CERT1: variants seen among roughly 807,000 people sequenced by gnomAD.
The protein encoded by CERT1 is ceramide transfer protein.
Under a neutral mutation model 87.9 loss-of-function variants are expected in CERT1, and 31 were observed. The ratio of observed to expected loss-of-function variants is 0.35; its 90% CI spans 0.27 to 0.48. The LOEUF is 0.48. Among genes scored for constraint, CERT1 ranks in the 20% least tolerant of loss-of-function variants. The pLI, the probability that CERT1 is intolerant of heterozygous loss-of-function variation, is 0.99. For missense variants in CERT1, 487 were observed against 758.0 expected, an observed-to-expected ratio of 0.64 and a Z score of 4.20; for synonymous variants, 289 against 250.9, an observed-to-expected ratio of 1.15 and a Z score of -1.44.
At chr5:75,457,383 G>A (rs1300735964) in intron 3 of CERT1, among the ~76,000 whole-genome samples, 2 of 152,164 alleles carry the variant, frequency 1.3e-5, no homozygotes, top group Non-Finnish European at 2.9e-5. Flanking sequence ...AATTAACACA[G>A]CCAAGCTCAC....
chr5:75,426,572 A>C, intron 3 of CERT1, 94 bp from the exon 4 acceptor site: 1 of 851,592 alleles, frequency 1.2e-6, no homozygotes, highest in Admixed American at 2.3e-5. Flanking sequence ...TTATTATAAC[A>C]ATTGGCAGTC....
At chr5:75,417,164 C>T in intron 6 of CERT1, 131 bp from the exon 7 acceptor site, 1 of 657,324 alleles carries the variant, frequency 1.5e-6, no homozygotes. Context: ...CTCCTGTAGG[C>T]CAACATTTAA....
chr5:75,435,716 C>T (rs1158843764), intron 3 of CERT1, among the ~76,000 whole-genome samples: 4 of 152,256 alleles, frequency 2.6e-5, no homozygotes, highest in Admixed American at 6.5e-5. Context: ...CACTCCTTAG[C>T]GATGTGTTCT....
chr5:75,511,216 G>C lies in CERT1; in HGVS notation c.-9C>G, dbSNP rs1580881190. The C allele has an allele frequency of 6.2e-7, 1 of 1,612,538 alleles. No individual in the cohort carries two copies. The highest frequency in any genetic ancestry group is 1.1e-5 in the South Asian group (1 of 90,996). On this transcript the variant is annotated 5_prime_UTR_variant, in exon 1 of 17. Transcript: ENST00000643780. The stretch of plus-strand genomic sequence containing the variant: ...CTCTGATTATCCGACATGGAGGCTC[G>C]ACAACCGAGCAGGAGACCGGCCCCC...
chr5:75,381,952 A>G lies in CERT1; in HGVS notation c.1614T>C (p.Ala538=). Reference sequence around the variant, plus strand: ...ACATTTATATACATGTACTTACAGGAGCACTGTCATGATCCACAGAAAAAT... The same window carrying G: ...ACATTTATATACATGTACTTACAGGGGCACTGTCATGATCCACAGAAAAAT... ...VCNFSVDHDS[A]PLNNRCVRAK... The change falls in exon 15 of 17, where the codon GCT becomes GCC. Residue 538 remains alanine, a synonymous_variant. Coordinates refer to ENST00000643780, the MANE Select transcript of CERT1 (RefSeq NM_001379029.1). 6.2e-7 allele frequency: 1 copy of G among 1,612,564 alleles called. No homozygotes were observed. Among genetic ancestry groups the G allele is most frequent in the Non-Finnish European group, 8.5e-7 (1 of 1,179,430 alleles).
intron 15 of CERT1, 84 bp downstream of exon 15, chr5:75,381,865 T>C: frequency 8.2e-7 from 1 of 1,222,844 alleles, no homozygotes; most frequent in East Asian, 2.5e-5. Context: ...GTATAGTGTA[T>C]GGGCTGTGTT....
chr5:75,486,846 C>T (rs141900357), intron 2 of CERT1, among the ~76,000 whole-genome samples: 39 of 152,044 alleles, frequency 2.6e-4, no homozygotes, highest in African/African-American at 7.7e-4. Flanking sequence ...CACAAAACAA[C>T]GGAAAGATAT....
intron 3 of CERT1, among the ~76,000 whole-genome samples, chr5:75,443,317 G>C (rs1764400012): frequency 6.6e-6 from 1 of 151,950 alleles, no homozygotes; most frequent in Non-Finnish European, 1.5e-5. Flanking sequence ...TTGAGGTCTT[G>C]TTTACTAATA....
intron 14 of CERT1, among the ~76,000 whole-genome samples, chr5:75,383,702 C>CAATT (rs3840121): frequency 0.081 from 12,389 of 152,080 alleles, 596 homozygotes; most frequent in South Asian, 0.17. Flanking sequence ...ATACTGCACT[C>CAATT]AAAAACCATT....
intron 2 of CERT1, among the ~76,000 whole-genome samples, chr5:75,472,542 C>T (rs1195634922): frequency 6.6e-6 from 1 of 152,076 alleles, no homozygotes; most frequent in Admixed American, 6.6e-5. Context: ...GGATTAATAT[C>T]CGAAAAATAT....
At chr5:75,374,111 C>G, downstream of CERT1, 2 of 398,520 alleles carry the variant, frequency 5.0e-6, no homozygotes, top group Admixed American at 4.4e-5. Flanking sequence ...GCTATAGATC[C>G]TACGTTCCAG....
chr5:75,408,884 C>T (rs1471181794), intron 8 of CERT1, among the ~76,000 whole-genome samples: 1 of 151,852 alleles, frequency 6.6e-6, no homozygotes, highest in Non-Finnish European at 1.5e-5. Flanking sequence ...ATGCATGTAC[C>T]TAGCACAAGG....
chr5:75,413,256 G>A (rs112188450), intron 7 of CERT1, among the ~76,000 whole-genome samples: 62 of 152,196 alleles, frequency 4.1e-4, no homozygotes, highest in African/African-American at 9.4e-4. Context: ...CATCACTGAC[G>A]GAAATGTCGT....
intron 2 of CERT1, among the ~76,000 whole-genome samples, chr5:75,481,276 C>T (rs1011504979): frequency 6.6e-6 from 1 of 152,176 alleles, no homozygotes; most frequent in African/African-American, 2.4e-5. Flanking sequence ...CACCTTCAGA[C>T]TGCTTCTCAA....
chr5:75,503,855 A>ATTAAACATTTAAATTAAATGTTTAAT, intron 2 of CERT1, among the ~76,000 whole-genome samples: 2 of 146,880 alleles, frequency 1.4e-5, no homozygotes, highest in African/African-American at 5.0e-5. Context: ...TTTAATTTAA[A>ATTAAACATTTAAATTAAATGTTTAAT]TTAAACATTT....
intron 11 of CERT1, among the ~76,000 whole-genome samples, chr5:75,396,228 T>C (rs1339585845): frequency 6.6e-6 from 1 of 152,188 alleles, no homozygotes; most frequent in Non-Finnish European, 1.5e-5. Context: ...AAACTAGATA[T>C]GGTATCTGTA....
At chr5:75,368,807 T>C (rs1028160281) in intron 17 of CERT1, 4 of 152,202 alleles carry the variant, frequency 2.6e-5, no homozygotes, top group African/African-American at 9.7e-5. Context: ...TAAGCCCCAC[T>C]GTAAGTTGAA....
At chr5:75,402,868 A>C in intron 9 of CERT1, 104 bp downstream of exon 9, 1 of 661,114 alleles carries the variant, frequency 1.5e-6, no homozygotes, top group Non-Finnish European at 2.7e-6. Context: ...CTAGGTTATT[A>C]AGTTCACAAT....
In CERT1 at chr5:75,483,986, TA is replaced by T. The variant is rs565135522; in HGVS notation, c.231+21995del. ...CTACTCATATCTTGAGTAGTAAGAC[TA>T]AAAGATGAACCTACAAAAAATGATA... is the stretch of plus-strand genomic sequence containing the variant. On this transcript the variant is annotated intron_variant, in intron 2 of 16. Transcript: ENST00000643780. 2.6e-5 allele frequency among the ~76,000 whole-genome samples: 4 copies of T among 152,190 alleles called. No homozygotes were observed. In the South Asian group the frequency reaches 8.3e-4, roughly 32 times the overall value.
Sources: allele counts gnomAD v4.1 joint callset (sites outside exome capture counted in the v4.1 genomes callset), GRCh38; gene constraint gnomAD v4.1.1; transcripts MANE v1.5; gene names NCBI Gene and HGNC (gene_info 2026-07-23, HGNC 2026-07-21).